Variants in PRRC2C observed in about 807,000 individuals in gnomAD.
The protein encoded by PRRC2C is protein PRRC2C.
Under a neutral mutation model 317.2 loss-of-function variants are expected in PRRC2C, and 72 were observed. The ratio of observed to expected loss-of-function variants is 0.23; its 90% CI spans 0.19 to 0.28. The LOEUF is 0.28. PRRC2C is among the 10% of genes least tolerant of loss of function. The pLI, the probability that PRRC2C is intolerant of heterozygous loss-of-function variation, is 1.00. For synonymous variants in PRRC2C, 1,296 were observed against 1,205.9 expected (o/e 1.07, Z -1.55); for missense variants, 3,074 against 3,459.7 (o/e 0.89, Z 2.80).
At chr1:171,575,752 T>C (rs1685593857) in intron 25 of PRRC2C, among the ~76,000 whole-genome samples, 1 of 152,222 alleles carries the variant, frequency 6.6e-6, no homozygotes, top group African/African-American at 2.4e-5. Context: ...GTTTCCAAAA[T>C]GCTTGACTCT....
chr1:171,550,696 C>T (rs1399448304), intron 18 of PRRC2C, among the ~76,000 whole-genome samples: 1 of 150,296 alleles, frequency 6.7e-6, no homozygotes, highest in Non-Finnish European at 1.5e-5. Context: ...CAGTTCCTAC[C>T]TATGAGTGAG....
intron 18 of PRRC2C, among the ~76,000 whole-genome samples, chr1:171,554,422 A>G (rs1238164542): frequency 4.6e-5 from 7 of 152,108 alleles, no homozygotes; most frequent in Non-Finnish European, 7.3e-5. Context: ...TCTTTATCCA[A>G]TTTGCCAGTC....
chr1:171,561,164 C>G, intron 20 of PRRC2C, 61 bp downstream of exon 20: 1 of 1,449,552 alleles, frequency 6.9e-7, no homozygotes. Context: ...TCAGTGTGGC[C>G]GGGTGTGGTG....
At chr1:171,583,592 A>C (rs1335702503) in intron 28 of PRRC2C, among the ~76,000 whole-genome samples, 2 of 152,258 alleles carry the variant, frequency 1.3e-5, no homozygotes, top group Non-Finnish European at 2.9e-5. Context: ...TATAGTAAAT[A>C]CATAAACTAG....
intron 6 of PRRC2C, among the ~76,000 whole-genome samples, chr1:171,518,772 G>A (rs953342810): frequency 6.8e-6 from 1 of 147,336 alleles, no homozygotes; most frequent in African/African-American, 2.5e-5. Flanking sequence ...CAGAGTGTTG[G>A]GATTACAGAC....
chr1:171,591,389 T>TTTAAATC, intron 34 of PRRC2C, 198 bp from the exon 35 acceptor site: 1 of 594,944 alleles, frequency 1.7e-6, no homozygotes, highest in Non-Finnish European at 2.5e-6. Context: ...TTTTTTTTTT[T>TTTAAATC]AAATCACATG....
In PRRC2C at chr1:171,540,659, C is replaced by T; in HGVS notation, c.3193C>T (p.Pro1065Ser). The T allele has an allele frequency of 6.2e-7, 1 of 1,613,994 alleles. No individual in the cohort carries two copies. The highest frequency in any genetic ancestry group is 8.5e-7 in the Non-Finnish European group (1 of 1,179,872). ...AAAGAAGGATCTTCCTCCTCCCCCA[C>T]CACCACCTCAGCCACCAGCACCAAT... is the stretch of plus-strand genomic sequence containing the variant. ...TEKKDLPPPP[P>S]PPQPPAPIQP... The change falls in exon 16 of 35, where the codon CCA (proline) becomes TCA (serine). Residue 1065 changes from proline to serine, a missense_variant. Coordinates refer to ENST00000647382, the MANE Select transcript of PRRC2C (RefSeq NM_001387844.1).
intron 20 of PRRC2C, among the ~76,000 whole-genome samples, chr1:171,563,326 C>G (rs991611673): frequency 3.9e-5 from 6 of 152,086 alleles, no homozygotes; most frequent in Non-Finnish European, 8.8e-5. Flanking sequence ...TAATTATATA[C>G]CTAATACAAT....
At chr1:171,589,336 T>G in intron 33 of PRRC2C, 33 bp from the exon 34 acceptor site, 2 of 825,530 alleles carry the variant, frequency 2.4e-6, no homozygotes, top group Non-Finnish European at 3.5e-6. Context: ...TTTTTAACAG[T>G]TCAATGTTGT....
intron 23 of PRRC2C, among the ~76,000 whole-genome samples, chr1:171,568,607 A>C (rs140319439): frequency 6.6e-5 from 10 of 152,338 alleles, no homozygotes; most frequent in African/African-American, 2.4e-4. Context: ...TACTAATCTT[A>C]TTAACCTGGT....
At chr1:171,530,533 A>G (rs1675627315) in intron 11 of PRRC2C, among the ~76,000 whole-genome samples, 1 of 151,948 alleles carries the variant, frequency 6.6e-6, no homozygotes, top group Non-Finnish European at 1.5e-5. Context: ...GATGTGAGCC[A>G]CCGTGTCTAG....
In PRRC2C at chr1:171,524,836, A is replaced by G; in HGVS notation, c.1071A>G (p.Ser357=). The part of the protein sequence containing the change: ...PKENNSEDQG[S]KASENNENKK... ...GATTTTTCAGTGAGGATCAAGGTTC[A>G]AAAGCCTCTGAAAACAACGAAAACA... The change falls in exon 10 of 35, where the codon TCA becomes TCG. Residue 357 remains serine (S), a synonymous_variant. Transcript: ENST00000647382. 7 of 1,573,198 alleles carry G rather than the reference A, an allele frequency of 4.4e-6. No individual in the cohort carries two copies. The highest frequency in any genetic ancestry group is 6.0e-6 in the Non-Finnish European group (7 of 1,157,926).
At chr1:171,529,000 A>ATGT (rs1367655578) in intron 11 of PRRC2C, among the ~76,000 whole-genome samples, 1 of 151,830 alleles carries the variant, frequency 6.6e-6, no homozygotes, top group African/African-American at 2.4e-5. Flanking sequence ...TCTCACCTTC[A>ATGT]TGCCCAGGCT....
chr1:171,541,468 C>T lies in PRRC2C; in HGVS notation c.4002C>T (p.Gly1334=), dbSNP rs1190535983. The change falls in exon 16 of 35, where the codon GGC becomes GGT. Residue 1334 remains glycine (G), a synonymous_variant. Transcript: ENST00000647382. This position sits in a 1 kb window ranked among gnomAD's most constrained non-coding sequence, Gnocchi z 4.1. ...GGGATGACGATAAAGCTAAACCAGG[C>T]TTTCTTCCTAAAGGAGAGCCTACAA... ...YVRDDDKAKP[G]FLPKGEPTRR... The T allele has an allele frequency of 1.2e-6, 2 of 1,613,756 alleles. No homozygotes were observed. The highest frequency in any genetic ancestry group is 2.2e-5 in the East Asian group (1 of 44,872).
Position 171,584,099 on chromosome 1 carries a change from C to T in PRRC2C, c.7553C>T (p.Thr2518Ile). 1.9e-6 allele frequency: 3 copies of T among 1,614,000 alleles called. No homozygotes were observed. The highest frequency in any genetic ancestry group is 2.5e-6 in the Non-Finnish European group (3 of 1,179,868). ...SGLAFQQTSN[T>I]QPIPILYEHQ... ...CTTGCCTTTCAGCAAACATCAAATACTCAGCCCATTCCTATATTGTATGAA... is the reference window on the plus strand; with the variant it reads ...CTTGCCTTTCAGCAAACATCAAATATTCAGCCCATTCCTATATTGTATGAA... Residue 2518 changes from threonine to isoleucine, a missense_variant, in exon 29 of 35, where the codon ACT becomes ATT. Thr to Ile is a moderately conservative substitution (Grantham distance 89, BLOSUM62 -1). Coordinates refer to ENST00000647382, the MANE Select transcript of PRRC2C (RefSeq NM_001387844.1).
intron 1 of PRRC2C, among the ~76,000 whole-genome samples, chr1:171,503,165 A>G (rs1226275470): frequency 6.6e-6 from 1 of 152,216 alleles, no homozygotes; most frequent in East Asian, 1.9e-4. Flanking sequence ...GCATTACCAT[A>G]AACACCTTTG....
chr1:171,510,921 A>G (rs1276991699), intron 1 of PRRC2C: 1 of 152,220 alleles, frequency 6.6e-6, no homozygotes, highest in Non-Finnish European at 1.5e-5. Context: ...AATGCCTGAT[A>G]AATTTTATGG....
At chr1:171,521,828 GAC>G (rs762063168) in intron 6 of PRRC2C, among the ~76,000 whole-genome samples, 7 of 152,112 alleles carry the variant, frequency 4.6e-5, no homozygotes, top group Non-Finnish European at 1.0e-4. Context: ...ATATCTTGTT[GAC>G]ACAGTTACTT....
intron 1 of PRRC2C, among the ~76,000 whole-genome samples, chr1:171,493,713 A>G (rs1667593272): frequency 1.3e-5 from 2 of 152,106 alleles, no homozygotes. Context: ...CCAGCTACTC[A>G]GGAGGCTGAG....
Sources: allele counts gnomAD v4.1 joint callset (sites outside exome capture counted in the v4.1 genomes callset), GRCh38; gene constraint gnomAD v4.1.1; non-coding constraint Gnocchi (gnomAD v3.1); transcripts MANE v1.5; gene names NCBI Gene and HGNC (gene_info 2026-07-23, HGNC 2026-07-21).